CTTNBP2: variants seen among roughly 807,000 people sequenced by gnomAD.
CTTNBP2 encodes the protein cortactin-binding protein 2.
Under a neutral mutation model 156.9 loss-of-function variants are expected in CTTNBP2, and 108 were observed. That is an observed-to-expected ratio of 0.69 (90% CI 0.59 to 0.81). The LOEUF (loss-of-function observed/expected upper bound fraction) is 0.81. Ranked by LOEUF, CTTNBP2 falls within the 30% of genes least tolerant of loss-of-function variation. CTTNBP2 has a pLI of 0.00. For synonymous variants in CTTNBP2, 767 were observed against 751.8 expected (o/e 1.02, Z -0.33); for missense variants, 1,924 against 2,035.4 (o/e 0.95, Z 1.05).
intron 22 of CTTNBP2, among the ~76,000 whole-genome samples, chr7:117,717,796 A>AATTGAAGGGAAAAAAGTAATGCTTTCCT (rs1400402311): frequency 4.6e-5 from 7 of 152,064 alleles, no homozygotes; most frequent in Non-Finnish European, 2.9e-5. Context: ...TTTGGAATCA[A>AATTGAAGGGAAAAAAGTAATGCTTTCCT]ATTGAAGGGA....
At chr7:117,755,991 G>C (rs1471690384) in intron 12 of CTTNBP2, among the ~76,000 whole-genome samples, 1 of 152,186 alleles carries the variant, frequency 6.6e-6, no homozygotes, top group Admixed American at 6.5e-5. Flanking sequence ...CAACATCCCA[G>C]GGAAGAGTGG....
At position 117,728,160 on chromosome 7, in the gene CTTNBP2, A is replaced by C; in HGVS notation, c.3984T>G (p.Pro1328=). Residue 1328 remains proline (P), a synonymous_variant, in exon 17 of 23, where the codon CCT becomes CCG. Transcript: ENST00000160373. ...LNSCLARLGT[P]EALLGPKYFL... ...AATATTTTGGTCCAAGAAGTGCTTC[A>C]GGTGTGCCCAAGCGGGCCAGGCAGG... 6.2e-7 allele frequency: 1 copy of C among 1,614,192 alleles called. No individual in the cohort carries two copies. The highest frequency in any genetic ancestry group is 1.1e-5 in the South Asian group (1 of 91,082).
In CTTNBP2 at chr7:117,791,332, C is replaced by T; in HGVS notation, c.1864G>A (p.Ala622Thr). Residue 622 changes from alanine (A) to threonine (T), a missense_variant, in exon 4 of 23, where the codon GCA (alanine) becomes ACA (threonine). Transcript: ENST00000160373. Reference protein sequence around the residue: ...PPKPSIDLTVAPAGCAVSALA... With the variant: ...PPKPSIDLTVTPAGCAVSALA... ...GCTGAAACGGCACAGCCTGCAGGTG[C>T]CACAGTTAAATCTATGGATGGTTTT... 1 of 1,614,118 alleles carries T rather than the reference C, an allele frequency of 6.2e-7. No individual in the cohort carries two copies. The highest frequency in any genetic ancestry group is 8.5e-7 in the Non-Finnish European group (1 of 1,180,030).
At chr7:117,811,589 C>A (rs1800283300) in intron 2 of CTTNBP2, among the ~76,000 whole-genome samples, 2 of 152,150 alleles carry the variant, frequency 1.3e-5, no homozygotes, top group African/African-American at 2.4e-5. Flanking sequence ...CCATGCCCCA[C>A]CTAGTCTTTT....
At chr7:117,846,894 C>G (rs1489548797) in intron 2 of CTTNBP2, among the ~76,000 whole-genome samples, 1 of 151,728 alleles carries the variant, frequency 6.6e-6, no homozygotes, top group Non-Finnish European at 1.5e-5. Flanking sequence ...TATATATACT[C>G]TCATATTAAA....
At chr7:117,802,476 A>C (rs1486821320) in intron 3 of CTTNBP2, among the ~76,000 whole-genome samples, 5 of 151,226 alleles carry the variant, frequency 3.3e-5, no homozygotes, top group South Asian at 4.1e-4. Context: ...AACAAACAAA[A>C]AAACAAAAAA....
intron 6 of CTTNBP2, among the ~76,000 whole-genome samples, chr7:117,780,885 A>C (rs936842882): frequency 2.6e-5 from 4 of 152,240 alleles, no homozygotes; most frequent in Non-Finnish European, 5.9e-5. Context: ...TAGAGTCCTT[A>C]GAATTTAACT....
At chr7:117,718,731 A>T (rs1339372424) in intron 21 of CTTNBP2, among the ~76,000 whole-genome samples, 1 of 152,230 alleles carries the variant, frequency 6.6e-6, no homozygotes, top group Non-Finnish European at 1.5e-5. Context: ...GATGATATGC[A>T]TTATACAAGC....
At chr7:117,859,322 G>A (rs549004289) in intron 2 of CTTNBP2, among the ~76,000 whole-genome samples, 5 of 152,224 alleles carry the variant, frequency 3.3e-5, no homozygotes, top group East Asian at 3.9e-4. Context: ...AAGCCTTTAC[G>A]TCTACTCTCA....
intron 8 of CTTNBP2, among the ~76,000 whole-genome samples, chr7:117,771,205 G>T (rs1388208169): frequency 1.3e-5 from 2 of 152,152 alleles, no homozygotes; most frequent in African/African-American, 2.4e-5. Context: ...GAGAAGCAAG[G>T]TACCAGTGCC....
intron 1 of CTTNBP2, chr7:117,871,850 A>ACACACACACACACACG (rs1213887738): frequency 1.6e-6 from 1 of 610,420 alleles, no homozygotes; most frequent in Non-Finnish European, 2.0e-6. Context: ...CCCTTCACAC[A>ACACACACACACACACG]CACACACACA....
chr7:117,796,350 T>C (rs1201579810), intron 3 of CTTNBP2, among the ~76,000 whole-genome samples: 1 of 152,236 alleles, frequency 6.6e-6, no homozygotes, highest in Non-Finnish European at 1.5e-5. Flanking sequence ...TCTTTGACCA[T>C]TTCAGCTCAG....
At chr7:117,832,786 G>A (rs542689687) in intron 2 of CTTNBP2, among the ~76,000 whole-genome samples, 19 of 127,438 alleles carry the variant, frequency 1.5e-4, no homozygotes, top group African/African-American at 1.2e-4. Flanking sequence ...TCACTGTGTC[G>A]CCAGGGCTGG....
chr7:117,873,282 G>GC, intron 1 of CTTNBP2, 53 bp downstream of exon 1: 1 of 1,279,796 alleles, frequency 7.8e-7, no homozygotes. Context: ...CCCCGGCGCC[G>GC]CCCCCGGCCC....
At chr7:117,827,391 C>T (rs1801347664) in intron 2 of CTTNBP2, among the ~76,000 whole-genome samples, 1 of 152,128 alleles carries the variant, frequency 6.6e-6, no homozygotes, top group Admixed American at 6.5e-5. Context: ...ATGTTGTTCT[C>T]ATCATTATGA....
intron 14 of CTTNBP2, among the ~76,000 whole-genome samples, chr7:117,742,364 C>T (rs1401062790): frequency 6.6e-6 from 1 of 152,204 alleles, no homozygotes; most frequent in African/African-American, 2.4e-5. Flanking sequence ...AAGAAACATC[C>T]TATTCTGCTG....
intron 2 of CTTNBP2, among the ~76,000 whole-genome samples, chr7:117,853,735 G>C (rs1803080433): frequency 6.6e-6 from 1 of 152,066 alleles, no homozygotes; most frequent in African/African-American, 2.4e-5. Flanking sequence ...ATGGTATGTG[G>C]GAGATTGAGC....
intron 12 of CTTNBP2, among the ~76,000 whole-genome samples, chr7:117,753,594 G>A (rs980340440): frequency 6.6e-6 from 1 of 152,180 alleles, no homozygotes; most frequent in African/African-American, 2.4e-5. Flanking sequence ...ATGAGATCGT[G>A]TTCTTTGCAG....
Position 117,870,676 on chromosome 7 carries a change from G to A in CTTNBP2, c.81+2659C>T, listed in dbSNP as rs138262994. Among the ~76,000 whole-genome samples, 265 of 152,196 alleles carry A rather than the reference G, an allele frequency of 1.7e-3. 2 individuals carry two copies. The highest frequency in any genetic ancestry group is 6.1e-3 in the African/African-American group (254 of 41,512). Reference sequence around the variant, plus strand: ...TGACAATAAAAAGCATGAAGATTTCGTTTTCCATACTGCCTTATCCATTAG... The same window carrying A: ...TGACAATAAAAAGCATGAAGATTTCATTTTCCATACTGCCTTATCCATTAG... On this transcript the variant is annotated intron_variant, in intron 1 of 22. Transcript: ENST00000160373.
Sources: allele counts gnomAD v4.1 joint callset (sites outside exome capture counted in the v4.1 genomes callset), GRCh38; gene constraint gnomAD v4.1.1; transcripts MANE v1.5; gene names NCBI Gene and HGNC (gene_info 2026-07-23, HGNC 2026-07-21).